Variants in PPFIBP1 observed in about 807,000 individuals in gnomAD.
PPFIBP1 encodes liprin-beta-1.
In PPFIBP1, 112 loss-of-function variants were observed where a neutral mutation model predicts 137.8. The observed-to-expected ratio is 0.81, with a 90% CI of 0.70 to 0.95. The LOEUF is 0.95. Ranked by LOEUF, PPFIBP1 falls within the 40% of genes least tolerant of loss-of-function variation. The pLI, the probability that PPFIBP1 is intolerant of heterozygous loss-of-function variation, is 0.00. For missense variants in PPFIBP1, 1,083 were observed against 1,196.6 expected (o/e 0.91, Z 1.40); for synonymous variants, 378 against 417.3 (o/e 0.91, Z 1.15).
intron 2 of PPFIBP1, among the ~76,000 whole-genome samples, chr12:27,591,824 G>A (rs1312674343): frequency 6.6e-6 from 1 of 152,300 alleles, no homozygotes; most frequent in East Asian, 1.9e-4. Context: ...AACCTGTCAG[G>A]TACCTGGGGA....
chr12:27,601,602 C>T (rs557003390), intron 2 of PPFIBP1, among the ~76,000 whole-genome samples: 1 of 152,300 alleles, frequency 6.6e-6, no homozygotes, highest in South Asian at 2.1e-4. Flanking sequence ...TTAAGTTGTG[C>T]AATTCAGAGG....
At chr12:27,656,483 A>T (rs1433302745) in intron 8 of PPFIBP1, 133 bp from the exon 9 acceptor site, 10 of 647,460 alleles carry the variant, frequency 1.5e-5, no homozygotes, top group Middle Eastern at 3.9e-4. Context: ...CTGATTTCTG[A>T]TGCTTGCATC....
intron 2 of PPFIBP1, among the ~76,000 whole-genome samples, chr12:27,587,078 T>C (rs1297581307): frequency 6.6e-6 from 1 of 152,194 alleles, no homozygotes; most frequent in Non-Finnish European, 1.5e-5. Flanking sequence ...TAAAAATACC[T>C]AGATGCTAGT....
At position 27,691,914 on chromosome 12, in the gene PPFIBP1, GA is replaced by G; in HGVS notation, c.2852del (p.Asp951AlafsTer3). The G allele has an allele frequency of 6.2e-7, 1 of 1,611,738 alleles. No homozygotes were observed. The highest frequency in any genetic ancestry group is 1.7e-5 in the Admixed American group (1 of 59,566). On this transcript the variant is annotated frameshift_variant, in exon 28 of 30. Transcript: ENST00000228425. LOFTEE classifies it high-confidence loss of function. ...DMRLYEEDDL[D>X]RLEQMEDSEG... The stretch of plus-strand genomic sequence containing the variant: ...GCGCCTGTATGAGGAAGATGATTTG[GA>G]CCGGTTAGAGCAGGTAAATCCAACA...
At chr12:27,633,495 A>T in intron 3 of PPFIBP1, 35 bp downstream of exon 3, 1 of 1,569,592 alleles carries the variant, frequency 6.4e-7, no homozygotes, top group South Asian at 1.1e-5. Context: ...GAATCACAAC[A>T]TTTACTCTCC....
intron 2 of PPFIBP1, chr12:27,608,756 C>A: frequency 4.2e-6 from 1 of 238,954 alleles, no homozygotes; most frequent in South Asian, 5.0e-5. Flanking sequence ...GTGTCTTTCT[C>A]TGTGGCTTCA....
At chr12:27,563,204 G>A (rs1372423888) in intron 1 of PPFIBP1, among the ~76,000 whole-genome samples, 2 of 146,682 alleles carry the variant, frequency 1.4e-5, no homozygotes, top group Non-Finnish European at 3.0e-5. Context: ...CACTATGGGA[G>A]GCTGAGGTAG....
chr12:27,604,426 G>A (rs139322440), intron 2 of PPFIBP1, among the ~76,000 whole-genome samples: 3 of 152,326 alleles, frequency 2.0e-5, no homozygotes, highest in Non-Finnish European at 4.4e-5. Context: ...AGGGTTGGAT[G>A]TCTCTTGGCA....
chr12:27,569,849 G>A (rs1166529783), intron 1 of PPFIBP1, among the ~76,000 whole-genome samples: 1 of 152,030 alleles, frequency 6.6e-6, no homozygotes, highest in Non-Finnish European at 1.5e-5. Context: ...GTGAGCCACC[G>A]CGTCCAGCCT....
chr12:27,675,675 A>G (rs4931260), intron 17 of PPFIBP1, among the ~76,000 whole-genome samples: 131,308 of 152,234 alleles, frequency 0.86, 56,749 homozygotes, highest in African/African-American at 0.91. Flanking sequence ...AACAAAAATC[A>G]ACTCAAGATG....
intron 16 of PPFIBP1, 42 bp from the exon 17 acceptor site, chr12:27,674,150 G>A: frequency 6.7e-7 from 1 of 1,498,368 alleles, no homozygotes. Flanking sequence ...TTATACAAAG[G>A]ATTTCCCTAA....
intron 2 of PPFIBP1, among the ~76,000 whole-genome samples, chr12:27,629,936 C>T (rs1240914234): frequency 2.0e-5 from 3 of 152,082 alleles, no homozygotes; most frequent in Non-Finnish European, 1.5e-5. Context: ...TGAAATTTAT[C>T]GAAACTGATT....
chr12:27,560,841 A>G (rs2049098806), intron 1 of PPFIBP1, among the ~76,000 whole-genome samples: 1 of 152,218 alleles, frequency 6.6e-6, no homozygotes, highest in Non-Finnish European at 1.5e-5. Context: ...GTTGTTGAAA[A>G]CTAACTTAAT....
intron 13 of PPFIBP1, among the ~76,000 whole-genome samples, chr12:27,667,838 C>A (rs529303125): frequency 5.9e-5 from 9 of 152,266 alleles, no homozygotes; most frequent in African/African-American, 1.9e-4. Flanking sequence ...CCATTTAGAA[C>A]AACTACATGT....
chr12:27,527,721 G>C (rs771403247), intron 1 of PPFIBP1, among the ~76,000 whole-genome samples: 4 of 151,678 alleles, frequency 2.6e-5, no homozygotes, highest in Admixed American at 1.3e-4. Flanking sequence ...GCGTAATGAC[G>C]TTTTTATTTT....
chr12:27,597,507 CT>C (rs1199074375), intron 2 of PPFIBP1, among the ~76,000 whole-genome samples: 1 of 152,136 alleles, frequency 6.6e-6, no homozygotes, highest in Admixed American at 6.5e-5. Flanking sequence ...ATAATGGGAT[CT>C]GGAGTCGTCT....
intron 1 of PPFIBP1, chr12:27,547,562 G>C (rs1348905665): frequency 6.6e-6 from 1 of 152,230 alleles, no homozygotes; most frequent in Non-Finnish European, 1.5e-5. Context: ...GACCAGGAGT[G>C]GGGTGCTGAA....
intron 10 of PPFIBP1, among the ~76,000 whole-genome samples, chr12:27,660,097 G>T (rs1217939016): frequency 6.6e-6 from 1 of 151,122 alleles, no homozygotes; most frequent in East Asian, 1.9e-4. Context: ...TTGCTATGTT[G>T]CCCAGGCTGG....
At chr12:27,587,924 C>G (rs181795988) in intron 2 of PPFIBP1, among the ~76,000 whole-genome samples, 1 of 152,302 alleles carries the variant, frequency 6.6e-6, no homozygotes, top group African/African-American at 2.4e-5. Flanking sequence ...TCAAAAATCA[C>G]AAATAGCAAT....
Sources: allele counts gnomAD v4.1 joint callset (sites outside exome capture counted in the v4.1 genomes callset), GRCh38; gene constraint gnomAD v4.1.1; transcripts MANE v1.5; gene names NCBI Gene and HGNC (gene_info 2026-07-23, HGNC 2026-07-21).